GABRA2: variants seen among roughly 807,000 people sequenced by gnomAD.
GABRA2 encodes the protein gamma-aminobutyric acid type A receptor subunit alpha2.
GABRA2 carries 16 observed loss-of-function variants against 48.7 expected under a neutral mutation model. That is an observed-to-expected ratio of 0.33 (90% confidence interval 0.22 to 0.50). The LOEUF is 0.50. Among genes scored for constraint, GABRA2 ranks in the 20% least tolerant of loss-of-function variants. The pLI, the probability that GABRA2 is intolerant of heterozygous loss-of-function variation, is 0.98. For missense variants in GABRA2, 275 were observed against 535.6 expected (o/e 0.51, Z 4.80); for synonymous variants, 185 against 184.5 (o/e 1.00, Z -0.02).
At chr4:46,303,760 G>A in intron 7 of GABRA2, 148 bp from the exon 8 acceptor site, 1 of 690,690 alleles carries the variant, frequency 1.4e-6, no homozygotes, top group Non-Finnish European at 2.4e-6. Context: ...ACTTTTAAAA[G>A]CCTCCTTAGC....
intron 3 of GABRA2, among the ~76,000 whole-genome samples, chr4:46,345,608 C>T (rs1436786159): frequency 6.6e-6 from 1 of 151,884 alleles, no homozygotes; most frequent in Non-Finnish European, 1.5e-5. Context: ...TACTAAACCA[C>T]AGTTGTCCTG....
rs56201706 is a variant in GABRA2, at chr4:46,297,476, C to CATATATATATATATATATATAT, written c.856+5962_856+5983dup. Reference sequence around the variant, plus strand: ...GAGTTAATACTACTTAATAAAATCCCATATATATATATATATATATATATA... The same window carrying CATATATATATATATATATATAT: ...GAGTTAATACTACTTAATAAAATCCCATATATATATATATATATATATATATATATATATATATATATATATA... On this transcript the variant is annotated intron_variant, in intron 8 of 9. Coordinates refer to ENST00000381620, the MANE Select transcript of GABRA2 (RefSeq NM_000807.4). Among the ~76,000 whole-genome samples, 78 of 87,882 alleles carry CATATATATATATATATATATAT rather than the reference C, an allele frequency of 8.9e-4. 6 individuals are homozygous for CATATATATATATATATATATAT. Among genetic ancestry groups the CATATATATATATATATATATAT allele is most frequent in the African/African-American group, 1.5e-3 (31 of 20,406 alleles). 57.7% of individuals were successfully genotyped at this position (87,882 alleles called of 152,430 possible). A position where few individuals can be genotyped will look rare whatever the true frequency, so the allele number is the denominator to read the frequency against.
intron 3 of GABRA2, among the ~76,000 whole-genome samples, chr4:46,345,276 T>A (rs1040616187): frequency 6.6e-6 from 1 of 151,838 alleles, no homozygotes; most frequent in African/African-American, 2.4e-5. Flanking sequence ...CAGTCTTGGG[T>A]ATGTCTTTAT....
At chr4:46,329,501 G>A (rs1454000367) in intron 4 of GABRA2, among the ~76,000 whole-genome samples, 10 of 152,074 alleles carry the variant, frequency 6.6e-5, no homozygotes, top group Admixed American at 6.6e-4. Flanking sequence ...GCACGTTCCT[G>A]TAGCAGCAGT....
At chr4:46,389,701 G>A in intron 1 of GABRA2, 34 bp downstream of exon 1, 1 of 978,546 alleles carries the variant, frequency 1.0e-6, no homozygotes. Flanking sequence ...AAACAGGAAA[G>A]TGTCTCTATC....
intron 3 of GABRA2, among the ~76,000 whole-genome samples, chr4:46,371,220 CT>C (rs1714839976): frequency 1.3e-5 from 2 of 152,066 alleles, no homozygotes; most frequent in South Asian, 4.1e-4. Context: ...GTAAAGTGGT[CT>C]TTGTCAAGCT....
chr4:46,362,393 G>A (rs747293535), intron 3 of GABRA2, among the ~76,000 whole-genome samples: 1 of 152,090 alleles, frequency 6.6e-6, no homozygotes, highest in Non-Finnish European at 1.5e-5. Flanking sequence ...CCCCAGCCAC[G>A]TGGAACTGTA....
chr4:46,317,392 T>G (rs1251897679), intron 4 of GABRA2, among the ~76,000 whole-genome samples: 3 of 151,726 alleles, frequency 2.0e-5, no homozygotes, highest in Admixed American at 6.6e-5. Context: ...ATATATCACT[T>G]TAAATATAAA....
intron 3 of GABRA2, among the ~76,000 whole-genome samples, chr4:46,345,519 T>C (rs1341322940): frequency 6.6e-6 from 1 of 151,774 alleles, no homozygotes; most frequent in African/African-American, 2.4e-5. Context: ...ATGGAAGAAA[T>C]ATAACTCAGC....
chr4:46,298,470 T>C (rs1051656178), intron 8 of GABRA2, among the ~76,000 whole-genome samples: 3 of 152,068 alleles, frequency 2.0e-5, no homozygotes, highest in Non-Finnish European at 4.4e-5. Flanking sequence ...CATTTGATGA[T>C]GCTTAGAATT....
intron 8 of GABRA2, among the ~76,000 whole-genome samples, chr4:46,293,240 A>AT (rs1428473263): frequency 6.6e-6 from 1 of 151,988 alleles, no homozygotes; most frequent in African/African-American, 2.4e-5. Flanking sequence ...TGCCTCAATC[A>AT]GTTTCCAGAC....
At chr4:46,366,388 T>G (rs1714043224) in intron 3 of GABRA2, 1 of 152,096 alleles carries the variant, frequency 6.6e-6, no homozygotes. Context: ...CTTATCCAGA[T>G]GCTAATGATT....
chr4:46,266,913 G>A (rs1010525648), intron 8 of GABRA2, among the ~76,000 whole-genome samples: 4 of 151,498 alleles, frequency 2.6e-5, no homozygotes, highest in African/African-American at 9.7e-5. Flanking sequence ...TAGTAGAGAC[G>A]GGGTTTCACC....
In GABRA2 at chr4:46,247,933, A is replaced by G. The variant is rs964793962; in HGVS notation, c.*2375T>C. On this transcript the variant is annotated 3_prime_UTR_variant, in exon 10 of 10. Coordinates refer to ENST00000381620, the MANE Select transcript of GABRA2 (RefSeq NM_000807.4). The stretch of plus-strand genomic sequence containing the variant: ...GAATTCTGATCCCTAGCACTGAAAA[A>G]TCTGAACTGCCAGAATGTCATTGCA... 2.6e-5 allele frequency among the ~76,000 whole-genome samples: 4 copies of G among 151,372 alleles called. No homozygotes were observed. The highest frequency in any genetic ancestry group is 9.6e-5 in the African/African-American group (4 of 41,472).
Sources: allele counts gnomAD v4.1 joint callset (sites outside exome capture counted in the v4.1 genomes callset), GRCh38; gene constraint gnomAD v4.1.1; transcripts MANE v1.5; gene names NCBI Gene and HGNC (gene_info 2026-07-23, HGNC 2026-07-21).